NRF1: variants seen among roughly 807,000 people sequenced by gnomAD.
The protein encoded by NRF1 is nuclear respiratory factor 1, also known as alpha palindromic-binding protein.
NRF1 carries 5 observed loss-of-function variants against 58.5 expected under a neutral mutation model. The observed-to-expected ratio is 0.09, with a 90% CI of 0.04 to 0.18. NRF1 has a LOEUF of 0.18. Among genes scored for constraint, NRF1 ranks in the 10% least tolerant of loss-of-function variants. The pLI, the probability that NRF1 is intolerant of heterozygous loss-of-function variation, is 1.00. For missense variants in NRF1, 288 were observed against 657.7 expected, an observed-to-expected ratio of 0.44 and a Z score of 6.15; for synonymous variants, 224 against 246.7, an observed-to-expected ratio of 0.91 and a Z score of 0.86.
chr7:129,682,601 TAGTG>T (rs1802343416), intron 4 of NRF1, among the ~76,000 whole-genome samples: 1 of 134,602 alleles, frequency 7.4e-6, no homozygotes, highest in Non-Finnish European at 1.6e-5. Context: ...CTAGGCAACA[TAGTG>T]AGACCCTGTC....
chr7:129,709,459 G>A (rs1481208919), intron 6 of NRF1, among the ~76,000 whole-genome samples: 6 of 152,110 alleles, frequency 3.9e-5, no homozygotes, highest in African/African-American at 7.2e-5. Flanking sequence ...ATGTGTCTTC[G>A]GGGTTGCCTT....
At chr7:129,711,672 G>A (rs558186547) in intron 8 of NRF1, 96 bp downstream of exon 8, 25 of 915,706 alleles carry the variant, frequency 2.7e-5, no homozygotes, top group South Asian at 6.5e-5. Flanking sequence ...GCATGTCTGC[G>A]GCACTCTTTC....
chr7:129,625,204 C>CT (rs1316970474), intron 1 of NRF1, among the ~76,000 whole-genome samples: 1 of 152,166 alleles, frequency 6.6e-6, no homozygotes, highest in Non-Finnish European at 1.5e-5. Flanking sequence ...CGTGTAATCT[C>CT]TATCTGCTTC....
chr7:129,745,506 A>ACCCCCCCCCC (rs35406699), intron 10 of NRF1, among the ~76,000 whole-genome samples: 23 of 112,574 alleles, frequency 2.0e-4, no homozygotes, highest in South Asian at 3.1e-4. Context: ...ATCCCCCTCA[A>ACCCCCCCCCC]CCCCCCCCCC....
intron 3 of NRF1, among the ~76,000 whole-genome samples, chr7:129,675,242 CTG>C (rs1420724813): frequency 6.6e-6 from 1 of 152,174 alleles, no homozygotes; most frequent in East Asian, 1.9e-4. Context: ...GGTTCTTTCA[CTG>C]TTTCTACTGC....
In NRF1 at chr7:129,754,514, A is replaced by G. The variant is rs1297086507; in HGVS notation, c.1349-504A>G. On this transcript the variant is annotated intron_variant, in intron 10 of 10. Transcript: ENST00000393232. ...AATGGAAAAAAGTTGATTTCCTAGA[A>G]GTAGAGAGTAGAATAATAGTTACCA... Among the ~76,000 whole-genome samples, 3 of 145,904 alleles carry G rather than the reference A, an allele frequency of 2.1e-5. No homozygotes were observed. In the Admixed American group the frequency reaches 2.1e-4, roughly 10 times the overall value.
In NRF1 at chr7:129,755,118, G is replaced by C; in HGVS notation, c.1449G>C (p.Arg483Ser). ...TGGCCATGGCCCCTGTGACCACCAGGATATCAGACAGCGCAGTCACCATGG... is the reference window on the plus strand; with the variant it reads ...TGGCCATGGCCCCTGTGACCACCAGCATATCAGACAGCGCAGTCACCATGG... ...VQVAMAPVTTRISDSAVTMDG... is the reference protein window; with the variant it reads ...VQVAMAPVTTSISDSAVTMDG... Residue 483 changes from arginine to serine, a missense_variant, in exon 11 of 11, where the codon AGG becomes AGC. By Grantham distance (110) the Arg-to-Ser change is moderately radical (BLOSUM62 -1). Coordinates refer to ENST00000393232, the MANE Select transcript of NRF1 (RefSeq NM_005011.5). This position sits in a 1 kb window ranked among gnomAD's most constrained non-coding sequence, Gnocchi z 5.8. 1.2e-6 allele frequency: 2 copies of C among 1,614,038 alleles called. No homozygotes were observed. Among genetic ancestry groups the C allele is most frequent in the East Asian group, 2.2e-5 (1 of 44,862 alleles).
chr7:129,696,091 C>CA, intron 5 of NRF1, among the ~76,000 whole-genome samples: 1 of 102,806 alleles, frequency 9.7e-6, no homozygotes, highest in South Asian at 3.6e-4. Flanking sequence ...AAAAAACAAC[C>CA]AAATTAGCCG....
Position 129,755,446 on chromosome 7 carries a change from ATG to A in NRF1, c.*273_*274del. On this transcript the variant is annotated 3_prime_UTR_variant, in exon 11 of 11. Transcript: ENST00000393232. This position sits in a 1 kb window ranked among gnomAD's most constrained non-coding sequence, Gnocchi z 5.8. The stretch of plus-strand genomic sequence containing the variant: ...TGTGGCAGGACTTCTTTCTGCGGAA[ATG>A]TGTGTGTATACTTATGTGTGTGTAT... The A allele has an allele frequency of 2.7e-6, 1 of 375,116 alleles. No individual in the cohort carries two copies. The highest frequency in any genetic ancestry group is 2.8e-5 in the South Asian group (1 of 35,312). 23.2% of individuals were successfully genotyped at this position (375,116 alleles called of 1,614,324 possible). A position where few individuals can be genotyped will look rare whatever the true frequency, so the allele number is the denominator to read the frequency against.
intron 1 of NRF1, among the ~76,000 whole-genome samples, chr7:129,635,062 G>T (rs973980869): frequency 6.6e-6 from 1 of 152,100 alleles, no homozygotes; most frequent in African/African-American, 2.4e-5. Context: ...GCATTTGTTG[G>T]AATAGTGTAT....
At chr7:129,739,790 C>T (rs1278951020) in intron 10 of NRF1, among the ~76,000 whole-genome samples, 1 of 152,188 alleles carries the variant, frequency 6.6e-6, no homozygotes, top group Non-Finnish European at 1.5e-5. Context: ...CTACAGGTAT[C>T]TGCAGCCAGG....
chr7:129,645,562 G>C (rs936629641), intron 1 of NRF1, among the ~76,000 whole-genome samples: 7 of 152,222 alleles, frequency 4.6e-5, no homozygotes, highest in Admixed American at 2.0e-4. Flanking sequence ...TAGGATGGTA[G>C]ATAAAGGTCA....
At chr7:129,624,192 C>T (rs1470968277) in intron 1 of NRF1, among the ~76,000 whole-genome samples, 1 of 152,176 alleles carries the variant, frequency 6.6e-6, no homozygotes. Flanking sequence ...TCTGCTCAAA[C>T]ATCATTTCCT....
chr7:129,655,915 T>C (rs1439056907), intron 1 of NRF1, among the ~76,000 whole-genome samples: 1 of 152,206 alleles, frequency 6.6e-6, no homozygotes, highest in African/African-American at 2.4e-5. Flanking sequence ...GTTGAGGAAA[T>C]TCCCCTCTTT....
intron 8 of NRF1, among the ~76,000 whole-genome samples, chr7:129,714,111 G>A (rs938988474): frequency 6.6e-6 from 1 of 152,176 alleles, no homozygotes; most frequent in African/African-American, 2.4e-5. Flanking sequence ...AGGAAATTCC[G>A]AAGAGATGCT....
Position 129,652,828 on chromosome 7 carries a change from G to A in NRF1, c.-6-4518G>A, listed in dbSNP as rs374362467. Reference sequence around the variant, plus strand: ...AGGATGGTCTCGATCTCCTGACCTCGTGATCTGCCTGCCTTGGCCTCCCAA... The same window carrying A: ...AGGATGGTCTCGATCTCCTGACCTCATGATCTGCCTGCCTTGGCCTCCCAA... On this transcript the variant is annotated intron_variant, in intron 1 of 10. Transcript: ENST00000393232. Among the ~76,000 whole-genome samples, 7 of 152,248 alleles carry A rather than the reference G, an allele frequency of 4.6e-5. No individual in the cohort carries two copies. The East Asian group carries it at 9.7e-4, about 21-fold the overall frequency.
At chr7:129,654,068 G>A (rs1351115390) in intron 1 of NRF1, among the ~76,000 whole-genome samples, 1 of 152,156 alleles carries the variant, frequency 6.6e-6, no homozygotes, top group East Asian at 1.9e-4. Context: ...CAAAGTGGCT[G>A]TACTATGTTG....
At chr7:129,677,461 G>A (rs1262248490) in intron 3 of NRF1, among the ~76,000 whole-genome samples, 171 bp from the exon 4 acceptor site, 1 of 152,184 alleles carries the variant, frequency 6.6e-6, no homozygotes, top group Non-Finnish European at 1.5e-5. Flanking sequence ...TAAGAAAAAG[G>A]TATGTACATA....
intron 10 of NRF1, among the ~76,000 whole-genome samples, chr7:129,740,036 TGAG>T (rs969954951): frequency 3.9e-5 from 6 of 152,206 alleles, no homozygotes; most frequent in Admixed American, 3.9e-4. Flanking sequence ...TTCATGGTGT[TGAG>T]GAGGGGAAGG....
Sources: gnomAD v4.1 joint callset for allele counts (sites outside exome capture counted in the v4.1 genomes callset) on GRCh38, gnomAD v4.1.1 for gene constraint, Gnocchi (gnomAD v3.1) non-coding constraint, MANE v1.5 for transcripts, NCBI Gene and HGNC (gene_info 2026-07-23, HGNC 2026-07-21) for gene names.